The following SCFD2 variants were observed in gnomAD, a reference collection of about 807,000 sequenced individuals.
The protein encoded by SCFD2 is sec1 family domain-containing protein 2.
Under a neutral mutation model 58.9 loss-of-function variants are expected in SCFD2, and 54 were observed. The ratio of observed to expected loss-of-function variants is 0.92; its 90% CI spans 0.74 to 1.15. The LOEUF is 1.15. Ranked by LOEUF, SCFD2 falls within the 50% of genes most tolerant of loss-of-function variation. The probability of loss-of-function intolerance (pLI) is 0.00; values close to 1 mark genes in which losing one functional copy is unlikely to be tolerated. For missense variants in SCFD2, 805 were observed against 836.6 expected (o/e 0.96, Z 0.47); for synonymous variants, 321 against 335.9 (o/e 0.96, Z 0.49).
intron 4 of SCFD2, among the ~76,000 whole-genome samples, chr4:53,270,420 T>C (rs1333650073): frequency 6.6e-6 from 1 of 152,140 alleles, no homozygotes; most frequent in Non-Finnish European, 1.5e-5. Context: ...ATGGCAACAT[T>C]TGGGAACATT....
At chr4:53,215,569 T>G (rs984595655) in intron 4 of SCFD2, among the ~76,000 whole-genome samples, 2 of 152,170 alleles carry the variant, frequency 1.3e-5, no homozygotes, top group African/African-American at 4.8e-5. Flanking sequence ...GTTTTCTAGA[T>G]ATACATTCAT....
chr4:53,238,303 G>GT (rs1729745250), intron 4 of SCFD2, among the ~76,000 whole-genome samples: 2 of 111,798 alleles, frequency 1.8e-5, no homozygotes, highest in South Asian at 3.2e-4. Flanking sequence ...GGCCGGGTGG[G>GT]GGCTGACCCC....
intron 4 of SCFD2, among the ~76,000 whole-genome samples, chr4:53,221,457 C>T (rs1398095133): frequency 6.6e-6 from 1 of 152,094 alleles, no homozygotes; most frequent in East Asian, 1.9e-4. Context: ...AATTAAAACC[C>T]CACTGAGTTC....
chr4:53,018,606 G>C (rs1304224718), intron 5 of SCFD2, among the ~76,000 whole-genome samples: 1 of 152,054 alleles, frequency 6.6e-6, no homozygotes, highest in African/African-American at 2.4e-5. Flanking sequence ...AACTCCACTG[G>C]GCCCATGAAG....
chr4:53,158,146 A>T (rs1726746108), intron 4 of SCFD2, among the ~76,000 whole-genome samples: 1 of 152,164 alleles, frequency 6.6e-6, no homozygotes, highest in African/African-American at 2.4e-5. Flanking sequence ...AGCACAAATA[A>T]TGTAGACCAC....
chr4:52,894,850 T>C (rs1057107279), intron 7 of SCFD2, among the ~76,000 whole-genome samples: 2 of 152,218 alleles, frequency 1.3e-5, no homozygotes, highest in Non-Finnish European at 2.9e-5. Flanking sequence ...TTATGGGACT[T>C]GATGGAGCAA....
chr4:52,958,541 A>T (rs2109538013), intron 5 of SCFD2, among the ~76,000 whole-genome samples: 1 of 152,210 alleles, frequency 6.6e-6, no homozygotes, highest in South Asian at 2.1e-4. Context: ...CCCCACCCTC[A>T]ACAAGTGACG....
chr4:53,256,104 C>T (rs1473898292), intron 4 of SCFD2, among the ~76,000 whole-genome samples: 4 of 149,912 alleles, frequency 2.7e-5, no homozygotes, highest in Admixed American at 6.6e-5. Context: ...GGCTGCCGGG[C>T]GGAGACGCTC....
At chr4:53,161,285 T>A (rs189780631) in intron 4 of SCFD2, among the ~76,000 whole-genome samples, 93 of 152,334 alleles carry the variant, frequency 6.1e-4, no homozygotes, top group African/African-American at 2.2e-3. Flanking sequence ...ATATTATATT[T>A]ACTTCAATAA....
intron 1 of SCFD2, among the ~76,000 whole-genome samples, chr4:53,364,502 T>C (rs1287696574): frequency 6.6e-6 from 1 of 152,242 alleles, no homozygotes; most frequent in African/African-American, 2.4e-5. Context: ...TTATTACAAT[T>C]TGAGATTATT....
intron 5 of SCFD2, among the ~76,000 whole-genome samples, chr4:52,922,725 TACG>T (rs1285155756): frequency 3.9e-5 from 6 of 152,220 alleles, no homozygotes; most frequent in Admixed American, 3.3e-4. Flanking sequence ...GGTATATACC[TACG>T]ACTAGAACAG....
At chr4:53,110,633 T>G (rs1053147723) in intron 5 of SCFD2, among the ~76,000 whole-genome samples, 1 of 152,082 alleles carries the variant, frequency 6.6e-6, no homozygotes, top group African/African-American at 2.4e-5. Context: ...AAAACCACAA[T>G]GAGATACCAC....
intron 4 of SCFD2, among the ~76,000 whole-genome samples, chr4:53,234,967 C>T (rs901252980): frequency 9.2e-5 from 14 of 152,210 alleles, no homozygotes; most frequent in African/African-American, 2.9e-4. Flanking sequence ...ATGAGATAAC[C>T]GACCACGGTC....
At chr4:53,343,586 C>CTTTTTTATGGA (rs1432101966) in intron 2 of SCFD2, among the ~76,000 whole-genome samples, 6 of 152,160 alleles carry the variant, frequency 3.9e-5, no homozygotes, top group Non-Finnish European at 8.8e-5. Context: ...AGAGGGAATC[C>CTTTTTTATGGA]TCCCTCACTC....
At chr4:53,324,560 G>A (rs758393622) in intron 2 of SCFD2, among the ~76,000 whole-genome samples, 6 of 152,180 alleles carry the variant, frequency 3.9e-5, no homozygotes, top group Non-Finnish European at 5.9e-5. Flanking sequence ...AAGCACCAGC[G>A]TTGGTCAAGA....
intron 5 of SCFD2, among the ~76,000 whole-genome samples, chr4:52,955,561 T>C (rs1341819723): frequency 6.6e-6 from 1 of 152,162 alleles, no homozygotes; most frequent in Non-Finnish European, 1.5e-5. Context: ...GTTAAGTGAT[T>C]TGTTTCAGGG....
chr4:53,248,363 C>A (rs1339926454), intron 4 of SCFD2, among the ~76,000 whole-genome samples: 1 of 152,238 alleles, frequency 6.6e-6, no homozygotes, highest in East Asian at 1.9e-4. Flanking sequence ...CCCGCCATTG[C>A]TCAGGCTTCC....
At chr4:53,302,506 A>G (rs369161869) in intron 3 of SCFD2, among the ~76,000 whole-genome samples, 2 of 152,074 alleles carry the variant, frequency 1.3e-5, no homozygotes, top group African/African-American at 2.4e-5. Context: ...AATCAATATC[A>G]TGAAAATGGC....
At chr4:53,168,464 T>C (rs1727080934) in intron 4 of SCFD2, among the ~76,000 whole-genome samples, 1 of 152,170 alleles carries the variant, frequency 6.6e-6, no homozygotes, top group African/African-American at 2.4e-5. Flanking sequence ...AACAGACATA[T>C]CATAGAGCAG....
Sources: allele counts gnomAD v4.1 joint callset (sites outside exome capture counted in the v4.1 genomes callset), GRCh38; gene constraint gnomAD v4.1.1; transcripts MANE v1.5; gene names NCBI Gene and HGNC (gene_info 2026-07-23, HGNC 2026-07-21).